Variants in ZDHHC17 observed in about 807,000 individuals in gnomAD.
ZDHHC17 encodes the protein palmitoyltransferase ZDHHC17.
In ZDHHC17, 40 loss-of-function variants were observed where a neutral mutation model predicts 90.3. The observed-to-expected ratio is 0.44, with a 90% CI of 0.34 to 0.58. The LOEUF (loss-of-function observed/expected upper bound fraction) is 0.58. Among genes scored for constraint, ZDHHC17 ranks in the 20% least tolerant of loss-of-function variants. The pLI is 0.01. For missense variants in ZDHHC17, 614 were observed against 780.8 expected (o/e 0.79, Z 2.55); for synonymous variants, 235 against 252.4 (o/e 0.93, Z 0.65).
intron 1 of ZDHHC17, among the ~76,000 whole-genome samples, chr12:76,779,592 AT>A (rs1222980496): frequency 2.0e-5 from 3 of 152,178 alleles, no homozygotes; most frequent in Non-Finnish European, 4.4e-5. Flanking sequence ...GGGAACTACA[AT>A]TCGAGATGAG....
chr12:76,846,805 T>C (rs1592500704), intron 14 of ZDHHC17, 126 bp downstream of exon 14: 2 of 768,506 alleles, frequency 2.6e-6, no homozygotes, highest in Non-Finnish European at 4.2e-6. Context: ...GGACACCTTA[T>C]GAAGCACAAA....
intron 10 of ZDHHC17, among the ~76,000 whole-genome samples, chr12:76,839,230 G>A (rs1953403213): frequency 2.0e-5 from 3 of 152,352 alleles, no homozygotes; most frequent in African/African-American, 7.2e-5. Context: ...ACACAATTTA[G>A]TCCATAGCAA....
chr12:76,775,980 C>T (rs1952554338), intron 1 of ZDHHC17, among the ~76,000 whole-genome samples: 1 of 151,964 alleles, frequency 6.6e-6, no homozygotes. Context: ...ATGTAAATAG[C>T]CAGAATCTTC....
At chr12:76,842,174 G>C in intron 11 of ZDHHC17, 68 bp downstream of exon 11, 1 of 1,375,582 alleles carries the variant, frequency 7.3e-7, no homozygotes, top group Non-Finnish European at 9.5e-7. Context: ...GCAGACATTA[G>C]AGGACAGAGG....
intron 1 of ZDHHC17, among the ~76,000 whole-genome samples, chr12:76,774,311 C>T (rs575926874): frequency 2.1e-4 from 24 of 114,966 alleles, no homozygotes; most frequent in African/African-American, 7.1e-4. Context: ...TATATATATA[C>T]ACACACACAC....
At chr12:76,834,531 CTG>C (rs951780271) in intron 10 of ZDHHC17, among the ~76,000 whole-genome samples, 2 of 152,152 alleles carry the variant, frequency 1.3e-5, no homozygotes, top group African/African-American at 4.8e-5. Context: ...TTAGACTTCT[CTG>C]TTTTCTGTGT....
At position 76,842,919 on chromosome 12, in the gene ZDHHC17, A is replaced by G. The variant is rs1176805201; in HGVS notation, c.1267A>G (p.Thr423Ala). 3.7e-6 allele frequency: 6 copies of G among 1,607,718 alleles called. No individual in the cohort carries two copies. Among genetic ancestry groups the G allele is most frequent in the Non-Finnish European group, 5.1e-6 (6 of 1,176,182 alleles). Reference protein sequence around the residue: ...IKATEEQKKKTIVELAETGSL... With the variant: ...IKATEEQKKKAIVELAETGSL... ...TAAATATTATTTTTTTAATTCACAG[A>G]CAATAGTTGAACTTGCAGAGACAGG... is the stretch of plus-strand genomic sequence containing the variant. Residue 423 changes from threonine to alanine, a missense_variant and splice_region_variant, in exon 12 of 17, where the codon ACA (threonine) becomes GCA (alanine). Thr to Ala is a moderately conservative substitution (Grantham distance 58). Transcript: ENST00000426126.
chr12:76,801,291 TTTCTCA>T (rs1952886160), intron 2 of ZDHHC17, among the ~76,000 whole-genome samples: 1 of 152,208 alleles, frequency 6.6e-6, no homozygotes, highest in African/African-American at 2.4e-5. Context: ...AATGTTTAAG[TTTCTCA>T]TTCCTTTCGT....
chr12:76,770,064 A>G (rs1952475459), intron 1 of ZDHHC17, among the ~76,000 whole-genome samples: 1 of 152,150 alleles, frequency 6.6e-6, no homozygotes, highest in African/African-American at 2.4e-5. Context: ...TGGGCACGTT[A>G]TTGAACTCTG....
chr12:76,774,436 C>G (rs116902697), intron 1 of ZDHHC17, among the ~76,000 whole-genome samples: 239 of 151,082 alleles, frequency 1.6e-3, no homozygotes, highest in Non-Finnish European at 2.7e-3. Context: ...GATGAGTAGT[C>G]TCAGTATTAA....
intron 7 of ZDHHC17, 118 bp downstream of exon 7, chr12:76,816,137 A>G: frequency 1.3e-6 from 1 of 740,818 alleles, no homozygotes; most frequent in East Asian, 3.2e-5. Context: ...ATACAGGTTT[A>G]CAGTTAAACC....
intron 2 of ZDHHC17, among the ~76,000 whole-genome samples, chr12:76,798,354 A>G (rs983010775): frequency 6.6e-6 from 1 of 152,192 alleles, no homozygotes; most frequent in Non-Finnish European, 1.5e-5. Flanking sequence ...AAGTTGAAAT[A>G]ACAACAGTTA....
At chr12:76,797,157 A>G (rs946060399) in intron 1 of ZDHHC17, among the ~76,000 whole-genome samples, 3 of 152,088 alleles carry the variant, frequency 2.0e-5, no homozygotes, top group Non-Finnish European at 4.4e-5. Context: ...TCAGCTACTC[A>G]GGAGGCTAGA....
chr12:76,835,274 C>CA (rs777179518), intron 10 of ZDHHC17, among the ~76,000 whole-genome samples: 67,378 of 151,856 alleles, frequency 0.44, 15,318 homozygotes, highest in East Asian at 0.65. Context: ...TGGTCTTTAA[C>CA]TCCTGAACTC....
At chr12:76,780,760 C>G (rs1224806872) in intron 1 of ZDHHC17, among the ~76,000 whole-genome samples, 1 of 152,166 alleles carries the variant, frequency 6.6e-6, no homozygotes, top group Non-Finnish European at 1.5e-5. Flanking sequence ...TAAACTTCTT[C>G]ACTTTTCTTC....
chr12:76,779,576 A>C (rs943003493), intron 1 of ZDHHC17, among the ~76,000 whole-genome samples: 4 of 152,180 alleles, frequency 2.6e-5, no homozygotes, highest in Admixed American at 2.6e-4. Context: ...GACACGTGGG[A>C]ATTATGGGAA....
chr12:76,764,971 A>T (rs897025416), intron 1 of ZDHHC17, among the ~76,000 whole-genome samples: 7 of 152,210 alleles, frequency 4.6e-5, no homozygotes, highest in African/African-American at 1.7e-4. Flanking sequence ...AGGGGTGGAC[A>T]GTGCAACACG....
chr12:76,841,569 A>T (rs951487798), intron 10 of ZDHHC17, among the ~76,000 whole-genome samples: 13 of 152,144 alleles, frequency 8.5e-5, no homozygotes, highest in African/African-American at 2.7e-4. Context: ...AAAAGGCAAA[A>T]GTGAGAATTT....
At chr12:76,783,304 T>C (rs901465639) in intron 1 of ZDHHC17, among the ~76,000 whole-genome samples, 2 of 152,180 alleles carry the variant, frequency 1.3e-5, no homozygotes, top group Non-Finnish European at 2.9e-5. Flanking sequence ...TTTAATTGAC[T>C]CACAGTGCCA....
Sources: allele counts gnomAD v4.1 joint callset (sites outside exome capture counted in the v4.1 genomes callset), GRCh38; gene constraint gnomAD v4.1.1; transcripts MANE v1.5; gene names NCBI Gene and HGNC (gene_info 2026-07-23, HGNC 2026-07-21).